The following NRG1 variants were observed in gnomAD, a reference collection of about 807,000 sequenced individuals.
NRG1 encodes neuregulin 1, also known as pro-neuregulin-1, membrane-bound isoform.
A neutral mutation model predicts 63.8 loss-of-function variants in NRG1; 18 were observed. That is an observed-to-expected ratio of 0.28 (90% CI 0.19 to 0.42). The LOEUF (loss-of-function observed/expected upper bound fraction) is 0.42, where lower values mean the gene tolerates loss of function less well. NRG1 is among the 10% of genes least tolerant of loss of function. The pLI is 1.00. For synonymous variants in NRG1, 302 were observed against 301.3 expected, an observed-to-expected ratio of 1.00 and a Z score of -0.02; for missense variants, 762 against 814.7, an observed-to-expected ratio of 0.94 and a Z score of 0.79.
At chr8:32,245,160 AG>A (rs1032366091) in intron 1 of NRG1, among the ~76,000 whole-genome samples, 25 of 152,134 alleles carry the variant, frequency 1.6e-4, no homozygotes, top group African/African-American at 5.3e-4. Context: ...AGTTCTTCAA[AG>A]TTTGAATCAA....
At chr8:32,194,623 AT>A (rs1842797153) in intron 1 of NRG1, among the ~76,000 whole-genome samples, 1 of 152,120 alleles carries the variant, frequency 6.6e-6, no homozygotes, top group African/African-American at 2.4e-5. Flanking sequence ...CCCCAGGGCC[AT>A]GGCATTCAAA....
At chr8:32,161,674 A>G (rs1838848532) in intron 1 of NRG1, among the ~76,000 whole-genome samples, 1 of 152,236 alleles carries the variant, frequency 6.6e-6, no homozygotes, top group Non-Finnish European at 1.5e-5. Flanking sequence ...TCTTGTTGGT[A>G]TAAATTCCAC....
At chr8:32,538,068 G>A (rs1832204749) in intron 1 of NRG1, among the ~76,000 whole-genome samples, 1 of 151,948 alleles carries the variant, frequency 6.6e-6, no homozygotes, top group African/African-American at 2.4e-5. Context: ...GTCAGGCTGG[G>A]CTGGAACTCC....
intron 5 of NRG1, among the ~76,000 whole-genome samples, chr8:32,691,513 G>A (rs551431441): frequency 1.3e-5 from 2 of 152,208 alleles, no homozygotes; most frequent in East Asian, 3.9e-4. Context: ...ATGCTGTTAA[G>A]AAACACAGAA....
chr8:32,420,214 C>T (rs1048893560), intron 1 of NRG1, among the ~76,000 whole-genome samples: 13 of 152,212 alleles, frequency 8.5e-5, no homozygotes, highest in Admixed American at 3.9e-4. Context: ...TGGGGTGGCA[C>T]ATGCTCCTCT....
chr8:32,236,513 G>GTGAGT (rs1463319220), intron 1 of NRG1, among the ~76,000 whole-genome samples: 1 of 152,138 alleles, frequency 6.6e-6, no homozygotes, highest in Non-Finnish European at 1.5e-5. Context: ...TAAAGACAAA[G>GTGAGT]TGAGTTCTTT....
At chr8:32,337,693 T>C in intron 1 of NRG1, among the ~76,000 whole-genome samples, 1 of 38,518 alleles carries the variant, frequency 2.6e-5, no homozygotes, top group African/African-American at 7.1e-5. Flanking sequence ...GCTGATGCAG[T>C]TAGGAAAGGG....
At chr8:31,991,989 C>A (rs1176394053) in intron 1 of NRG1, among the ~76,000 whole-genome samples, 1 of 151,716 alleles carries the variant, frequency 6.6e-6, no homozygotes, top group African/African-American at 2.4e-5. Context: ...TGCAATTCAT[C>A]CAAGGGCGTC....
chr8:32,433,327 A>C (rs1036460434), intron 1 of NRG1, among the ~76,000 whole-genome samples: 2 of 152,116 alleles, frequency 1.3e-5, no homozygotes, highest in African/African-American at 4.8e-5. Flanking sequence ...ACAGAATCCC[A>C]AAAGGGCAGG....
intron 1 of NRG1, among the ~76,000 whole-genome samples, chr8:32,373,171 A>G (rs1012355213): frequency 1.3e-5 from 2 of 152,188 alleles, no homozygotes; most frequent in Non-Finnish European, 2.9e-5. Context: ...AAAACAAAAC[A>G]GTGAAAACCA....
At chr8:32,047,868 C>G (rs1300449843) in intron 1 of NRG1, among the ~76,000 whole-genome samples, 4 of 151,774 alleles carry the variant, frequency 2.6e-5, no homozygotes. Flanking sequence ...ATTTATTCCT[C>G]CTATCTAACT....
exon 12 of NRG1, chr8:32,766,195 T>TG (rs1276853912): frequency 6.6e-6 from 1 of 152,192 alleles, no homozygotes; most frequent in African/African-American, 2.4e-5. Context: ...AAATGCAGGC[T>TG]GGGCATGAGT....
intron 1 of NRG1, among the ~76,000 whole-genome samples, chr8:31,809,737 AATT>A (rs1822671326): frequency 1.1e-5 from 1 of 95,188 alleles, no homozygotes; most frequent in Non-Finnish European, 2.2e-5. Flanking sequence ...TCCTTCTATT[AATT>A]GTTTTTTTTT....
chr8:32,736,066 G>A (rs1824979658), intron 6 of NRG1, among the ~76,000 whole-genome samples: 1 of 151,928 alleles, frequency 6.6e-6, no homozygotes, highest in Admixed American at 6.6e-5. Context: ...ATATAGGTTG[G>A]ATCTGAAGGA....
At chr8:31,653,811 G>A (rs1805147797) in intron 1 of NRG1, among the ~76,000 whole-genome samples, 1 of 152,198 alleles carries the variant, frequency 6.6e-6, no homozygotes, top group Admixed American at 6.5e-5. Flanking sequence ...AATGCAGAGG[G>A]TCAGGCCACA....
intron 1 of NRG1, among the ~76,000 whole-genome samples, chr8:31,917,970 T>C (rs1284454988): frequency 6.6e-6 from 1 of 152,232 alleles, no homozygotes; most frequent in African/African-American, 2.4e-5. Flanking sequence ...CTGAAGCAGT[T>C]GTGAATGGGA....
At chr8:31,651,524 G>T (rs1030138104) in intron 1 of NRG1, among the ~76,000 whole-genome samples, 4 of 152,070 alleles carry the variant, frequency 2.6e-5, no homozygotes, top group African/African-American at 9.7e-5. Context: ...TGGTTTTCAG[G>T]GGGGTGGCAG....
At chr8:32,144,644 A>G (rs1021034350) in intron 1 of NRG1, among the ~76,000 whole-genome samples, 1 of 152,090 alleles carries the variant, frequency 6.6e-6, no homozygotes, top group African/African-American at 2.4e-5. Flanking sequence ...CATTCTCAGC[A>G]TTTTTGCTGT....
intron 5 of NRG1, among the ~76,000 whole-genome samples, chr8:32,648,603 C>A (rs916495678): frequency 6.6e-6 from 1 of 152,162 alleles, no homozygotes; most frequent in African/African-American, 2.4e-5. Context: ...CTCTCTCTAG[C>A]CACATGGCTC....
Sources: allele counts gnomAD v4.1 joint callset (sites outside exome capture counted in the v4.1 genomes callset), GRCh38; gene constraint gnomAD v4.1.1; transcripts MANE v1.5; gene names NCBI Gene and HGNC (gene_info 2026-07-23, HGNC 2026-07-21).